ASTN2: variants seen among roughly 807,000 people sequenced by gnomAD.
The protein encoded by ASTN2 is astrotactin-2.
A neutral mutation model predicts 139.8 loss-of-function variants in ASTN2; 54 were observed. The ratio of observed to expected loss-of-function variants is 0.39; its 90% CI spans 0.31 to 0.48. ASTN2 has a LOEUF of 0.48. Ranked by LOEUF, ASTN2 falls within the 20% of genes least tolerant of loss-of-function variation. ASTN2 has a pLI of 0.95. For missense variants in ASTN2, 1,565 were observed against 1,725.1 expected (o/e 0.91, Z 1.64); for synonymous variants, 756 against 719.5 (o/e 1.05, Z -0.81).
chr9:116,904,525 C>T (rs906359611), intron 10 of ASTN2, among the ~76,000 whole-genome samples: 19 of 152,188 alleles, frequency 1.2e-4, no homozygotes, highest in African/African-American at 4.1e-4. Context: ...AGACAATTTA[C>T]TTCAGCCCTG....
At chr9:117,324,342 G>A (rs977234001) in intron 1 of ASTN2, among the ~76,000 whole-genome samples, 42 of 152,218 alleles carry the variant, frequency 2.8e-4, no homozygotes, top group African/African-American at 4.8e-5. Context: ...GTAATTTGTA[G>A]ACAAAGGAGG....
chr9:116,805,495 A>G (rs2132246410), intron 13 of ASTN2, 137 bp downstream of exon 13: 1 of 771,666 alleles, frequency 1.3e-6, no homozygotes. Context: ...CACACTCCTT[A>G]AGAGGGTACC....
At chr9:117,008,563 TG>T (rs915786321) in intron 6 of ASTN2, among the ~76,000 whole-genome samples, 1 of 152,194 alleles carries the variant, frequency 6.6e-6, no homozygotes, top group African/African-American at 2.4e-5. Flanking sequence ...AAAGTGCCCC[TG>T]GGTCTTGGTT....
At chr9:116,981,713 C>T (rs1331044677) in intron 7 of ASTN2, among the ~76,000 whole-genome samples, 2 of 152,114 alleles carry the variant, frequency 1.3e-5, no homozygotes, top group African/African-American at 2.4e-5. Flanking sequence ...TTTGACATTA[C>T]CAAGTTTTCT....
At chr9:117,258,219 A>G (rs1225677339) in intron 2 of ASTN2, among the ~76,000 whole-genome samples, 5 of 152,194 alleles carry the variant, frequency 3.3e-5, no homozygotes, top group Non-Finnish European at 7.3e-5. Context: ...TGGTGCTGAC[A>G]TGAATAATGA....
intron 1 of ASTN2, among the ~76,000 whole-genome samples, chr9:117,343,776 T>C (rs1392301352): frequency 6.6e-6 from 1 of 152,186 alleles, no homozygotes; most frequent in Non-Finnish European, 1.5e-5. Flanking sequence ...TGTTTCCTAC[T>C]AGAATGTGCA....
chr9:117,389,257 C>A (rs1246020822), intron 1 of ASTN2, among the ~76,000 whole-genome samples: 1 of 152,180 alleles, frequency 6.6e-6, no homozygotes, highest in African/African-American at 2.4e-5. Context: ...TTGACTAGAG[C>A]TGCTTCCAAC....
At chr9:116,564,649 ATAGTCTACAGATTCC>A (rs1853092269) in intron 19 of ASTN2, among the ~76,000 whole-genome samples, 4 of 152,188 alleles carry the variant, frequency 2.6e-5, no homozygotes, top group African/African-American at 7.2e-5. Flanking sequence ...TTCTTGGCTG[ATAGTCTACAGATTCC>A]CAGTGCTTGT....
intron 19 of ASTN2, among the ~76,000 whole-genome samples, chr9:116,553,405 TTC>T (rs1852445342): frequency 6.6e-6 from 1 of 152,208 alleles, no homozygotes; most frequent in Non-Finnish European, 1.5e-5. Context: ...TCCTTAACTT[TTC>T]TCTTCTGAAC....
intron 20 of ASTN2, among the ~76,000 whole-genome samples, chr9:116,485,512 T>C (rs922790936): frequency 6.6e-6 from 1 of 152,248 alleles, no homozygotes. Flanking sequence ...ACACATGCAG[T>C]TGTCCCAGAG....
chr9:116,638,250 G>A lies in ASTN2; in HGVS notation c.3072+13278C>T, dbSNP rs565125012. On this transcript the variant is annotated intron_variant, in intron 17 of 22. Coordinates refer to ENST00000313400, the MANE Select transcript of ASTN2 (RefSeq NM_001365068.1). ...TTTGTCTTTACTCAGCACTTATTACGCACCAGCACAAAACTAAACATGTTA... is the reference window on the plus strand; with the variant it reads ...TTTGTCTTTACTCAGCACTTATTACACACCAGCACAAAACTAAACATGTTA... Among the ~76,000 whole-genome samples the A allele has an allele frequency of 6.0e-4, 92 of 152,216 alleles. 1 individual carries two copies. Among genetic ancestry groups the A allele is most frequent in the Admixed American group, 3.1e-3 (48 of 15,276 alleles).
intron 4 of ASTN2, among the ~76,000 whole-genome samples, chr9:117,110,835 C>T (rs1401015568): frequency 6.6e-6 from 1 of 152,164 alleles, no homozygotes; most frequent in African/African-American, 2.4e-5. Context: ...TTGCCATTGT[C>T]TGGACTGAGG....
chr9:117,301,994 A>T (rs1834886542), intron 1 of ASTN2, among the ~76,000 whole-genome samples: 1 of 11,332 alleles, frequency 8.8e-5, no homozygotes, highest in Admixed American at 2.2e-3. Flanking sequence ...CATTTAGCCT[A>T]TGGAACTCCC....
chr9:116,668,314 C>G (rs1858995025), intron 16 of ASTN2, among the ~76,000 whole-genome samples: 1 of 152,048 alleles, frequency 6.6e-6, no homozygotes, highest in Non-Finnish European at 1.5e-5. Flanking sequence ...GCCTCAGCCT[C>G]CTGAGTAGCT....
chr9:117,089,686 C>T (rs567306042), intron 5 of ASTN2, among the ~76,000 whole-genome samples: 9 of 151,374 alleles, frequency 5.9e-5, no homozygotes, highest in Admixed American at 2.6e-4. Context: ...CCCCTCCCAC[C>T]CTTCCCCCCA....
chr9:116,903,486 C>T (rs529452278), intron 10 of ASTN2, among the ~76,000 whole-genome samples: 2 of 152,288 alleles, frequency 1.3e-5, no homozygotes, highest in East Asian at 1.9e-4. Flanking sequence ...GTTAGGGTCT[C>T]TTAAGAAATG....
rs913976329 is a variant in ASTN2 at position 116,682,126 on chromosome 9, T to C, written c.2807-30333A>G. 3.3e-5 allele frequency among the ~76,000 whole-genome samples: 5 copies of C among 151,992 alleles called. No individual in the cohort carries two copies. In the East Asian group the frequency reaches 9.6e-4, roughly 29 times the overall value. On this transcript the variant is annotated intron_variant, in intron 16 of 22. Transcript: ENST00000313400. Reference sequence around the variant, plus strand: ...GGAGAAAATTTTCGCAACCTACTTATCTGACAAAGGGCTAATATCCAGAAT... The same window carrying C: ...GGAGAAAATTTTCGCAACCTACTTACCTGACAAAGGGCTAATATCCAGAAT...
At chr9:117,013,582 T>G (rs115965053) in intron 6 of ASTN2, among the ~76,000 whole-genome samples, 7,417 of 151,976 alleles carry the variant, frequency 0.049, 514 homozygotes, top group African/African-American at 0.15. Flanking sequence ...ATCTAGCATC[T>G]GAAGCCCAGT....
In ASTN2 at chr9:117,071,082, C is replaced by T. The variant is rs866944715; in HGVS notation, c.1276+24962G>A. On this transcript the variant is annotated intron_variant, in intron 5 of 22. Coordinates refer to ENST00000313400, the MANE Select transcript of ASTN2 (RefSeq NM_001365068.1). ...CTGCGTTCCTTTGGAGGAGGAGAGG[C>T]GCTCTGATTTTTAGAGCTTCCAGTT... Among the ~76,000 whole-genome samples the T allele has an allele frequency of 6.0e-4, 89 of 148,246 alleles. 6 individuals are homozygous for T. In the South Asian group the frequency reaches 9.1e-3, roughly 15 times the overall value.
Sources: allele counts gnomAD v4.1 joint callset (sites outside exome capture counted in the v4.1 genomes callset), GRCh38; gene constraint gnomAD v4.1.1; transcripts MANE v1.5; gene names NCBI Gene and HGNC (gene_info 2026-07-23, HGNC 2026-07-21).